The following DPP10 variants were observed in gnomAD, a reference collection of about 807,000 sequenced individuals.
DPP10 encodes inactive dipeptidyl peptidase 10.
Under a neutral mutation model 120.9 loss-of-function variants are expected in DPP10, and 33 were observed. That is an observed-to-expected ratio of 0.27 (90% CI 0.21 to 0.37). The LOEUF (loss-of-function observed/expected upper bound fraction) is 0.37, where lower values mean the gene tolerates loss of function less well. DPP10 is among the 10% of genes least tolerant of loss of function. The probability of loss-of-function intolerance (pLI) is 1.00; values close to 1 mark genes in which losing one functional copy is unlikely to be tolerated. For missense variants in DPP10, 816 were observed against 942.8 expected (o/e 0.87, Z 1.76); for synonymous variants, 337 against 326.1 (o/e 1.03, Z -0.36).
intron 3 of DPP10, among the ~76,000 whole-genome samples, chr2:115,401,424 T>G (rs1559546798): frequency 6.7e-6 from 1 of 148,904 alleles, no homozygotes; most frequent in Non-Finnish European, 1.5e-5. Context: ...GCAAAAACAT[T>G]TTTTTAAAAT....
At position 115,842,974 on chromosome 2, in the gene DPP10, A is replaced by C. The variant is rs534450189; in HGVS notation, c.*629A>C. 6.5e-6 allele frequency: 1 copy of C among 152,814 alleles called. No individual in the cohort carries two copies. Among genetic ancestry groups the C allele is most frequent in the South Asian group, 2.1e-4 (1 of 4,828 alleles). 9.5% of individuals were successfully genotyped at this position (152,814 alleles called of 1,614,324 possible). A position where few individuals can be genotyped will look rare whatever the true frequency, so the allele number is the denominator to read the frequency against. On this transcript the variant is annotated 3_prime_UTR_variant, in exon 26 of 26. Coordinates refer to ENST00000410059, the MANE Select transcript of DPP10 (RefSeq NM_020868.6). The stretch of plus-strand genomic sequence containing the variant: ...GTAGATACAATATCTTTAAATGAAC[A>C]CACGAGTGTATGTCTCACAATATAT...
At chr2:115,425,570 G>A (rs536593544) in intron 3 of DPP10, among the ~76,000 whole-genome samples, 1 of 152,128 alleles carries the variant, frequency 6.6e-6, no homozygotes, top group African/African-American at 2.4e-5. Flanking sequence ...TAAAAAATTA[G>A]GTAACTCTTT....
chr2:115,628,126 C>G (rs1214933726), intron 5 of DPP10, among the ~76,000 whole-genome samples: 1 of 152,150 alleles, frequency 6.6e-6, no homozygotes, highest in Non-Finnish European at 1.5e-5. Flanking sequence ...AACTGATTTA[C>G]ATTTTCACCA....
intron 5 of DPP10, among the ~76,000 whole-genome samples, chr2:115,577,472 A>G (rs986364465): frequency 2.6e-5 from 4 of 152,216 alleles, no homozygotes; most frequent in African/African-American, 9.6e-5. Context: ...GGATTTTTGT[A>G]TGATTTTTAA....
chr2:114,561,792 A>G (rs1224678219), intron 1 of DPP10, among the ~76,000 whole-genome samples: 1 of 152,204 alleles, frequency 6.6e-6, no homozygotes, highest in Non-Finnish European at 1.5e-5. Flanking sequence ...TTATCTTTAT[A>G]AACTATTGAA....
At chr2:114,872,820 T>C (rs1850865) in intron 1 of DPP10, among the ~76,000 whole-genome samples, 32,455 of 152,112 alleles carry the variant, frequency 0.21, 3,810 homozygotes, top group Middle Eastern at 0.32. Flanking sequence ...AGCAGAAGAC[T>C]CTAAGACTGC....
chr2:114,598,527 A>G (rs1201879446), intron 1 of DPP10, among the ~76,000 whole-genome samples: 3 of 151,852 alleles, frequency 2.0e-5, no homozygotes, highest in Non-Finnish European at 4.4e-5. Flanking sequence ...TTAATAACTG[A>G]ATAAGCTTGG....
chr2:114,623,606 T>C lies in DPP10; in HGVS notation c.60+180768T>C, dbSNP rs572122370. On this transcript the variant is annotated intron_variant, in intron 1 of 25. Transcript: ENST00000410059. ...AAAAAGGTGGCAGCAATTTTTTAAATTTTGTGTGAAAAGTCCTACAACAGC... is the reference window on the plus strand; with the variant it reads ...AAAAAGGTGGCAGCAATTTTTTAAACTTTGTGTGAAAAGTCCTACAACAGC... Among the ~76,000 whole-genome samples, 262 of 152,172 alleles carry C rather than the reference T, an allele frequency of 1.7e-3. 1 individual carries two copies. The highest frequency in any genetic ancestry group is 2.7e-3 in the Non-Finnish European group (185 of 67,958).
rs1491280011 is a variant in DPP10, at chr2:115,711,915, G to GTTTTTTTTTTTTTTTTTTT, written c.577-15901_577-15900insTTTTTTTTTTTTTTTTTTT. 1.2e-4 allele frequency among the ~76,000 whole-genome samples: 12 copies of GTTTTTTTTTTTTTTTTTTT among 96,986 alleles called. 6 individuals are homozygous for GTTTTTTTTTTTTTTTTTTT. Among genetic ancestry groups the GTTTTTTTTTTTTTTTTTTT allele is most frequent in the African/African-American group, 8.4e-5 (2 of 23,900 alleles). The allele number at this position is 96,986 out of a possible 152,430, so 63.6% of individuals were successfully genotyped here. On this transcript the variant is annotated intron_variant, in intron 7 of 25. Transcript: ENST00000410059. ...GAATATTGGACCTATAAAATGGTCTGGTTTTTTTTTTTTTTTTTTTTTTGG... is the reference window on the plus strand; with the variant it reads ...GAATATTGGACCTATAAAATGGTCTGTTTTTTTTTTTTTTTTTTTGTTTTTTTTTTTTTTTTTTTTTTGG...
chr2:115,440,019 GCTA>G (rs1410997333), intron 3 of DPP10, among the ~76,000 whole-genome samples: 6 of 152,042 alleles, frequency 3.9e-5, no homozygotes, highest in African/African-American at 7.2e-5. Flanking sequence ...TATTTTAGGT[GCTA>G]CTATTTCTTA....
chr2:115,513,789 A>G (rs2077357872), intron 4 of DPP10, among the ~76,000 whole-genome samples: 1 of 152,040 alleles, frequency 6.6e-6, no homozygotes, highest in Non-Finnish European at 1.5e-5. Context: ...AGGATAAGAA[A>G]GGAGTTACAA....
intron 19 of DPP10, among the ~76,000 whole-genome samples, chr2:115,801,407 C>A (rs1311075234): frequency 6.6e-6 from 1 of 152,176 alleles, no homozygotes; most frequent in Non-Finnish European, 1.5e-5. Flanking sequence ...TTCCTCTTTT[C>A]CTAATTGAAT....
intron 3 of DPP10, among the ~76,000 whole-genome samples, chr2:115,497,229 A>G (rs949467556): frequency 1.3e-5 from 2 of 152,196 alleles, no homozygotes; most frequent in Admixed American, 6.6e-5. Context: ...CATTAGTATT[A>G]CAAGGGTGGT....
At position 115,836,574 on chromosome 2, in the gene DPP10, T is replaced by C. The variant is rs145699723; in HGVS notation, c.2109+9T>C. 18,198 of 1,613,070 alleles carry C rather than the reference T, an allele frequency of 0.011. 581 individuals carry two copies. Among genetic ancestry groups the C allele is most frequent in the South Asian group, 0.097 (8,829 of 90,794 alleles). ...AAGAAAGCACTTACCAGGTAACTAA[T>C]TTGAAAATAACAAAGAAAGAGGAGT... On this transcript the variant is annotated intron_variant, in intron 23 of 25. Coordinates refer to ENST00000410059, the MANE Select transcript of DPP10 (RefSeq NM_020868.6).
chr2:114,609,473 C>T (rs1693105671), intron 1 of DPP10, among the ~76,000 whole-genome samples: 1 of 152,060 alleles, frequency 6.6e-6, no homozygotes, highest in Non-Finnish European at 1.5e-5. Flanking sequence ...CCAGCGGTGC[C>T]TGTGTGAAGT....
chr2:115,308,693 G>GTTTTTTT (rs3068805), intron 1 of DPP10, among the ~76,000 whole-genome samples: 1 of 126,642 alleles, frequency 7.9e-6, no homozygotes, highest in African/African-American at 2.9e-5. Flanking sequence ...ACTAAATCCT[G>GTTTTTTT]TTTTTTTTTT....
chr2:115,124,099 C>T (rs1028550749), intron 1 of DPP10, among the ~76,000 whole-genome samples: 1 of 151,914 alleles, frequency 6.6e-6, no homozygotes. Flanking sequence ...TACCACCACA[C>T]CTGGCTAATT....
chr2:115,370,723 A>G (rs1187197401), intron 3 of DPP10, among the ~76,000 whole-genome samples: 1 of 152,094 alleles, frequency 6.6e-6, no homozygotes, highest in Non-Finnish European at 1.5e-5. Context: ...TATAAGATTA[A>G]TCCAATTTTA....
chr2:115,336,866 G>A (rs1331741023), intron 2 of DPP10, among the ~76,000 whole-genome samples: 7 of 151,920 alleles, frequency 4.6e-5, no homozygotes, highest in Non-Finnish European at 1.5e-5. Flanking sequence ...TTCAGTGTGA[G>A]TGATTGAGAT....
Sources: allele counts gnomAD v4.1 joint callset (sites outside exome capture counted in the v4.1 genomes callset), GRCh38; gene constraint gnomAD v4.1.1; transcripts MANE v1.5; gene names NCBI Gene and HGNC (gene_info 2026-07-23, HGNC 2026-07-21).